The following TANC2 variants were observed in gnomAD, a reference collection of about 807,000 sequenced individuals.
The protein encoded by TANC2 is protein TANC2.
TANC2 carries 26 observed loss-of-function variants against 210.5 expected under a neutral mutation model. The observed-to-expected ratio is 0.12, with a 90% CI of 0.09 to 0.17. The LOEUF is 0.17. Ranked by LOEUF, TANC2 falls within the 10% of genes least tolerant of loss-of-function variation. The probability of loss-of-function intolerance (pLI) is 1.00; values close to 1 mark genes in which losing one functional copy is unlikely to be tolerated. For synonymous variants in TANC2, 931 were observed against 967.1 expected, an observed-to-expected ratio of 0.96 and a Z score of 0.69; for missense variants, 2,129 against 2,608.9, an observed-to-expected ratio of 0.82 and a Z score of 4.01.
At chr17:63,312,923 G>A (rs1484640786) in intron 9 of TANC2, among the ~76,000 whole-genome samples, 1 of 151,962 alleles carries the variant, frequency 6.6e-6, no homozygotes, top group Non-Finnish European at 1.5e-5. Context: ...CACTACTTTT[G>A]GAAATTTTAG....
At chr17:62,997,731 A>G (rs1287795790) in intron 1 of TANC2, among the ~76,000 whole-genome samples, 3 of 152,162 alleles carry the variant, frequency 2.0e-5, no homozygotes, top group African/African-American at 7.2e-5. Context: ...TCTTTAAACT[A>G]TTAAAGCATT....
chr17:63,296,594 T>C (rs979457081), intron 9 of TANC2, among the ~76,000 whole-genome samples: 4 of 152,130 alleles, frequency 2.6e-5, no homozygotes, highest in African/African-American at 9.7e-5. Context: ...AGCTGAGACA[T>C]TGGACTTATC....
At chr17:63,217,914 C>T (rs148433847) in intron 7 of TANC2, among the ~76,000 whole-genome samples, 11 of 152,078 alleles carry the variant, frequency 7.2e-5, no homozygotes, top group Admixed American at 1.3e-4. Flanking sequence ...TCTACATTCA[C>T]GAATCAATCA....
chr17:63,260,070 G>A (rs578120464), intron 8 of TANC2, among the ~76,000 whole-genome samples: 16 of 152,118 alleles, frequency 1.1e-4, no homozygotes, highest in Non-Finnish European at 4.4e-5. Context: ...AGAAAGTGGC[G>A]AAGATGAATA....
At chr17:63,271,547 G>A (rs1212123052) in intron 9 of TANC2, among the ~76,000 whole-genome samples, 6 of 150,496 alleles carry the variant, frequency 4.0e-5, no homozygotes, top group Admixed American at 1.3e-4. Flanking sequence ...CTATCTACCC[G>A]TCATCTAGGT....
At chr17:63,058,929 T>A (rs1254377136) in intron 2 of TANC2, among the ~76,000 whole-genome samples, 1 of 152,162 alleles carries the variant, frequency 6.6e-6, no homozygotes, top group Non-Finnish European at 1.5e-5. Flanking sequence ...GGGCTCTTTT[T>A]GGGTTTCATA....
intron 3 of TANC2, among the ~76,000 whole-genome samples, chr17:63,090,186 T>G (rs1408109024): frequency 1.3e-5 from 2 of 151,976 alleles, no homozygotes. Flanking sequence ...ATATAGTCTT[T>G]TGACCGTATT....
intron 15 of TANC2, among the ~76,000 whole-genome samples, chr17:63,384,715 A>G (rs2047722995): frequency 6.6e-6 from 1 of 152,192 alleles, no homozygotes; most frequent in Admixed American, 6.5e-5. Context: ...AATAGTTGGG[A>G]AAAAAGCATA....
At chr17:63,075,538 T>TA (rs892502141) in intron 3 of TANC2, among the ~76,000 whole-genome samples, 60 of 123,474 alleles carry the variant, frequency 4.9e-4, no homozygotes, top group African/African-American at 1.8e-3. Flanking sequence ...AATATATATA[T>TA]TTTTTTATAT....
intron 3 of TANC2, among the ~76,000 whole-genome samples, chr17:63,093,256 C>A (rs911024519): frequency 6.6e-6 from 1 of 150,818 alleles, no homozygotes; most frequent in Non-Finnish European, 1.5e-5. Context: ...TTTTTTTTAA[C>A]ATTTTCAGTC....
chr17:63,421,206 C>G lies in TANC2; in HGVS notation c.5476C>G (p.Leu1826Val). ...AGATCTGGAGCGCTCCTCCAGCCAA[C>G]TAGGTTCCCCTGATGTGTCGCATTT... The change falls in exon 28 of 28, where the codon CTA becomes GTA. Residue 1826 changes from leucine to valine, a missense_variant. Transcript: ENST00000689528. This position sits in a 1 kb window ranked among gnomAD's most constrained non-coding sequence, Gnocchi z 6.9. 1 of 1,614,058 alleles carries G rather than the reference C, an allele frequency of 6.2e-7. No homozygotes were observed. Among genetic ancestry groups the G allele is most frequent in the Non-Finnish European group, 8.5e-7 (1 of 1,179,894 alleles).
intron 14 of TANC2, among the ~76,000 whole-genome samples, chr17:63,374,032 G>GTTTTTTTTTTT (rs35801082): frequency 6.4e-5 from 6 of 93,532 alleles, no homozygotes; most frequent in African/African-American, 2.3e-4. Context: ...GTTGTTGTTG[G>GTTTTTTTTTTT]TTTTTTTTTT....
intron 1 of TANC2, among the ~76,000 whole-genome samples, chr17:62,995,893 G>C (rs773715291): frequency 4.3e-4 from 65 of 152,252 alleles, no homozygotes; most frequent in Middle Eastern, 3.4e-3. Flanking sequence ...AGGAGTTCAA[G>C]ACCACAATGA....
intron 5 of TANC2, among the ~76,000 whole-genome samples, chr17:63,175,533 CAAAAAAAAAAAA>C (rs57220783): frequency 9.7e-6 from 1 of 103,400 alleles, no homozygotes; most frequent in East Asian, 4.3e-4. Flanking sequence ...TCTCCCCCGC[CAAAAAAAAAAAA>C]AAAAAAAAAA....
chr17:63,129,134 A>G (rs1598441192), intron 4 of TANC2, among the ~76,000 whole-genome samples: 3 of 152,050 alleles, frequency 2.0e-5, no homozygotes. Context: ...AGCTGGGACT[A>G]CAGATGCTAC....
chr17:63,033,882 T>C (rs2144165873), intron 2 of TANC2, among the ~76,000 whole-genome samples: 1 of 152,336 alleles, frequency 6.6e-6, no homozygotes, highest in Non-Finnish European at 1.5e-5. Flanking sequence ...TTAAAAACTA[T>C]AAAGTCGAAT....
intron 21 of TANC2, among the ~76,000 whole-genome samples, chr17:63,409,573 T>C (rs1045808767): frequency 6.6e-6 from 1 of 152,228 alleles, no homozygotes; most frequent in Non-Finnish European, 1.5e-5. Flanking sequence ...AGAAATGCAT[T>C]CCAAGAATTG....
chr17:63,124,863 T>C (rs933640617), intron 4 of TANC2, among the ~76,000 whole-genome samples: 5 of 151,964 alleles, frequency 3.3e-5, no homozygotes, highest in East Asian at 1.9e-4. Context: ...TTGCCCCTTA[T>C]GAGACTCTAA....
At chr17:63,214,953 C>T (rs367974438) in intron 7 of TANC2, among the ~76,000 whole-genome samples, 29 of 152,230 alleles carry the variant, frequency 1.9e-4, no homozygotes, top group African/African-American at 6.0e-4. Flanking sequence ...TCAGTTGTAA[C>T]CTCCCAAAAA....
Sources: gnomAD v4.1 joint callset for allele counts (sites outside exome capture counted in the v4.1 genomes callset) on GRCh38, gnomAD v4.1.1 for gene constraint, Gnocchi (gnomAD v3.1) non-coding constraint, MANE v1.5 for transcripts, NCBI Gene and HGNC (gene_info 2026-07-23, HGNC 2026-07-21) for gene names.